Variants in ULK4 observed in about 807,000 individuals in gnomAD.
The protein encoded by ULK4 is unc-51 like kinase 4, also known as inactive serine/threonine-protein kinase ULK4.
A neutral mutation model predicts 160.6 loss-of-function variants in ULK4; 133 were observed. The ratio of observed to expected loss-of-function variants is 0.83; its 90% CI spans 0.72 to 0.96. ULK4 has a LOEUF of 0.96. Among genes scored for constraint, ULK4 ranks in the 40% least tolerant of loss-of-function variants. The pLI, the probability that ULK4 is intolerant of heterozygous loss-of-function variation, is 0.00. For missense variants in ULK4, 1,580 were observed against 1,499.5 expected (o/e 1.05, Z -0.89); for synonymous variants, 534 against 539.8 (o/e 0.99, Z 0.15).
intron 17 of ULK4, among the ~76,000 whole-genome samples, chr3:41,864,152 G>A (rs543060761): frequency 2.7e-5 from 4 of 146,408 alleles, no homozygotes; most frequent in African/African-American, 1.1e-4. Flanking sequence ...CCTTTGGCTA[G>A]GGCTGGATTA....
intron 35 of ULK4, among the ~76,000 whole-genome samples, chr3:41,262,918 C>CACAA (rs11472282): frequency 0.25 from 38,641 of 151,824 alleles, 9,447 homozygotes; most frequent in African/African-American, 0.64. Context: ...TAAGTGAGGA[C>CACAA]ACAGTTTTAA....
At chr3:41,546,301 TAG>T (rs1559383022) in intron 32 of ULK4, among the ~76,000 whole-genome samples, 1 of 152,170 alleles carries the variant, frequency 6.6e-6, no homozygotes, top group Non-Finnish European at 1.5e-5. Flanking sequence ...TTTATTCTGT[TAG>T]GACAGATCTA....
intron 27 of ULK4, among the ~76,000 whole-genome samples, chr3:41,689,546 C>CA: frequency 6.6e-6 from 1 of 152,246 alleles, no homozygotes; most frequent in Non-Finnish European, 1.5e-5. Flanking sequence ...ACTCATCTGA[C>CA]AAAGGGCTAA....
intron 22 of ULK4, among the ~76,000 whole-genome samples, chr3:41,730,396 A>G (rs563779379): frequency 6.6e-6 from 1 of 152,226 alleles, no homozygotes; most frequent in African/African-American, 2.4e-5. Flanking sequence ...GACTAAGAAA[A>G]AAGAGAAGAT....
At chr3:41,951,029 A>T (rs1553691797) in intron 2 of ULK4, among the ~76,000 whole-genome samples, 1 of 150,984 alleles carries the variant, frequency 6.6e-6, no homozygotes, top group Non-Finnish European at 1.5e-5. Flanking sequence ...CTGTAGTCCC[A>T]GCTACTCAAG....
rs766038815 is a variant in ULK4, at chr3:41,249,498, G to A, written c.3755C>T (p.Pro1252Leu). 1.4e-5 allele frequency: 22 copies of A among 1,613,662 alleles called. 1 individual carries two copies. The change falls in exon 36 of 37, where the codon CCT (proline) becomes CTT (leucine). Residue 1252 changes from proline (P) to leucine (L), a missense_variant. Pro to Leu is a moderately conservative substitution (Grantham distance 98). Coordinates refer to ENST00000301831, the MANE Select transcript of ULK4 (RefSeq NM_017886.4). ...CCTGGGTCCCACTTACCCACTCCCA[G>A]GGGCCAGCCGCTCCAGAGCCCGCAG... The part of the protein sequence containing the change: ...SLLRALERLA[P>L]GSGSFADSAV...
intron 31 of ULK4, among the ~76,000 whole-genome samples, chr3:41,612,670 CT>C (rs1293465682): frequency 6.6e-6 from 1 of 152,184 alleles, no homozygotes; most frequent in East Asian, 1.9e-4. Flanking sequence ...CCAGAAATGT[CT>C]GTTCTTCCTA....
intron 20 of ULK4, among the ~76,000 whole-genome samples, chr3:41,798,755 G>A (rs2040372360): frequency 6.6e-6 from 1 of 151,774 alleles, no homozygotes; most frequent in Admixed American, 6.6e-5. Flanking sequence ...GTTGTTGAGG[G>A]GGCAGGGGTG....
At chr3:41,882,307 T>C (rs1227564275) in intron 17 of ULK4, 2 of 702,456 alleles carry the variant, frequency 2.8e-6, no homozygotes, top group East Asian at 2.7e-5. Context: ...AATAAATACA[T>C]AAAATGCCAG....
intron 5 of ULK4, among the ~76,000 whole-genome samples, chr3:41,928,163 G>A (rs1291586239): frequency 1.3e-5 from 2 of 152,190 alleles, no homozygotes; most frequent in Non-Finnish European, 2.9e-5. Flanking sequence ...TCAGACCACA[G>A]TGCAATAAAT....
chr3:41,251,427 A>G (rs2078740897), intron 35 of ULK4, among the ~76,000 whole-genome samples: 1 of 152,270 alleles, frequency 6.6e-6, no homozygotes, highest in Non-Finnish European at 1.5e-5. Context: ...CAGCGCAGCT[A>G]TTTCAGAACA....
intron 30 of ULK4, among the ~76,000 whole-genome samples, chr3:41,617,797 T>C (rs754954820): frequency 6.6e-6 from 1 of 152,138 alleles, no homozygotes; most frequent in Non-Finnish European, 1.5e-5. Flanking sequence ...GAAGTAGGCT[T>C]CAGAAGGCGG....
At chr3:41,351,907 T>C (rs2125762202) in intron 35 of ULK4, among the ~76,000 whole-genome samples, 1 of 152,326 alleles carries the variant, frequency 6.6e-6, no homozygotes, top group East Asian at 1.9e-4. Flanking sequence ...GTGATACTGC[T>C]TCCACATGGG....
intron 32 of ULK4, among the ~76,000 whole-genome samples, chr3:41,477,488 T>C (rs892786649): frequency 1.3e-5 from 2 of 152,220 alleles, no homozygotes; most frequent in African/African-American, 4.8e-5. Context: ...TGCAAACATG[T>C]GGTCACTTAC....
intron 27 of ULK4, among the ~76,000 whole-genome samples, chr3:41,693,324 C>T (rs73069343): frequency 0.18 from 26,786 of 152,074 alleles, 2,866 homozygotes; most frequent in Middle Eastern, 0.27. Context: ...ACTCTTCTAG[C>T]GATTAAACCA....
chr3:41,633,038 CAGTGAAAGGTTTA>C (rs1273543791), intron 30 of ULK4, among the ~76,000 whole-genome samples: 1 of 152,140 alleles, frequency 6.6e-6, no homozygotes, highest in Admixed American at 6.6e-5. Context: ...CCATTAAAGG[CAGTGAAAGGTTTA>C]AGTGAAAGAG....
intron 29 of ULK4, among the ~76,000 whole-genome samples, chr3:41,676,527 T>A (rs2035720730): frequency 6.6e-6 from 1 of 152,064 alleles, no homozygotes; most frequent in African/African-American, 2.4e-5. Flanking sequence ...TTAATAAAGG[T>A]GGCTTCAATA....
At chr3:41,899,438 C>T (rs1451316908) in intron 13 of ULK4, among the ~76,000 whole-genome samples, 1 of 152,092 alleles carries the variant, frequency 6.6e-6, no homozygotes, top group South Asian at 2.1e-4. Context: ...ATTAAGGCTT[C>T]CCAGAAACTA....
intron 35 of ULK4, among the ~76,000 whole-genome samples, chr3:41,332,241 A>C (rs1304930101): frequency 1.3e-5 from 2 of 152,098 alleles, no homozygotes; most frequent in Non-Finnish European, 2.9e-5. Flanking sequence ...CAAGAAACCT[A>C]TGTTTCCATT....
Sources: allele counts gnomAD v4.1 joint callset (sites outside exome capture counted in the v4.1 genomes callset), GRCh38; gene constraint gnomAD v4.1.1; transcripts MANE v1.5; gene names NCBI Gene and HGNC (gene_info 2026-07-23, HGNC 2026-07-21).